The following PLCB1 variants were observed in gnomAD, a reference collection of about 807,000 sequenced individuals.
PLCB1 encodes the protein phospholipase C beta 1, also known as 1-phosphatidylinositol 4,5-bisphosphate phosphodiesterase beta-1.
In PLCB1, 46 loss-of-function variants were observed where a neutral mutation model predicts 161.8. The observed-to-expected ratio is 0.28, with a 90% CI of 0.22 to 0.36. The LOEUF is 0.36. Ranked by LOEUF, PLCB1 falls within the 10% of genes least tolerant of loss-of-function variation. PLCB1 has a pLI of 1.00. For missense variants in PLCB1, 1,016 were observed against 1,472.5 expected, an observed-to-expected ratio of 0.69 and a Z score of 5.07; for synonymous variants, 517 against 503.7, an observed-to-expected ratio of 1.03 and a Z score of -0.35.
intron 3 of PLCB1, among the ~76,000 whole-genome samples, chr20:8,516,782 A>G (rs1187834112): frequency 6.7e-6 from 1 of 150,342 alleles, no homozygotes; most frequent in East Asian, 2.0e-4. Context: ...TTTCGGCAAG[A>G]TAGATATAGT....
intron 3 of PLCB1, among the ~76,000 whole-genome samples, chr20:8,381,254 G>C (rs1387570897): frequency 2.0e-5 from 3 of 152,138 alleles, no homozygotes; most frequent in African/African-American, 7.2e-5. Context: ...ATATTGATTT[G>C]CATATGTTGA....
At chr20:8,710,529 T>A (rs928082135) in intron 12 of PLCB1, among the ~76,000 whole-genome samples, 1 of 142,224 alleles carries the variant, frequency 7.0e-6, no homozygotes, top group South Asian at 2.3e-4. Context: ...TTTTTTTTTT[T>A]CTGAAGCGGA....
intron 26 of PLCB1, among the ~76,000 whole-genome samples, chr20:8,766,396 G>A (rs1423277346): frequency 1.3e-5 from 2 of 152,174 alleles, no homozygotes; most frequent in African/African-American, 4.8e-5. Flanking sequence ...AGCCTGGTCA[G>A]CTATGGAAAG....
intron 9 of PLCB1, among the ~76,000 whole-genome samples, chr20:8,682,281 G>A (rs60097635): frequency 0.038 from 5,804 of 152,126 alleles, 367 homozygotes; most frequent in African/African-American, 0.13. Context: ...TGGGAGGATC[G>A]CTTGAGTACA....
chr20:8,519,156 G>T (rs574788851), intron 3 of PLCB1, among the ~76,000 whole-genome samples: 2 of 150,702 alleles, frequency 1.3e-5, no homozygotes, highest in East Asian at 3.9e-4. Context: ...CTGTACTACA[G>T]CATGCCAGAC....
At chr20:8,706,445 G>A (rs1978680547) in intron 11 of PLCB1, among the ~76,000 whole-genome samples, 1 of 152,202 alleles carries the variant, frequency 6.6e-6, no homozygotes, top group Non-Finnish European at 1.5e-5. Flanking sequence ...ACACTTGACT[G>A]TACTCGGGAC....
chr20:8,647,767 T>C, intron 5 of PLCB1, 133 bp from the exon 6 acceptor site: 3 of 680,602 alleles, frequency 4.4e-6, no homozygotes, highest in East Asian at 2.7e-5. Context: ...GTGCCAACTG[T>C]GGAGACTTGG....
In PLCB1 at chr20:8,654,433, T is replaced by C. The variant is rs573994794; in HGVS notation, c.595-2751T>C. Among the ~76,000 whole-genome samples the C allele has an allele frequency of 1.8e-3, 280 of 152,202 alleles. 1 individual carries two copies. Among genetic ancestry groups the C allele is most frequent in the African/African-American group, 6.5e-3 (271 of 41,546 alleles). On this transcript the variant is annotated intron_variant, in intron 7 of 31. Transcript: ENST00000338037. ...CAAGGTCTGGTATCATCTCCTGGGT[T>C]CATCCAGCAAACACTGATTAGGTAT...
In PLCB1 at chr20:8,467,782, C is replaced by T. The variant is rs527584045; in HGVS notation, c.246+96332C>T. ...TTTTATCAGAACATGTGTCCTTGAA[C>T]TTGCACACAAGAAAGACTTTCAGTG... On this transcript the variant is annotated intron_variant, in intron 3 of 31. Coordinates refer to ENST00000338037, the MANE Select transcript of PLCB1 (RefSeq NM_015192.4). Among the ~76,000 whole-genome samples, 94 of 152,248 alleles carry T rather than the reference C, an allele frequency of 6.2e-4. 1 individual carries two copies. The highest frequency in any genetic ancestry group is 1.0e-4 in the Non-Finnish European group (7 of 68,006).
chr20:8,353,805 C>A (rs1372575008), intron 2 of PLCB1, among the ~76,000 whole-genome samples: 1 of 151,912 alleles, frequency 6.6e-6, no homozygotes, highest in Non-Finnish European at 1.5e-5. Context: ...GGGCTCTTGG[C>A]ACAGGAAAAG....
At chr20:8,534,009 A>G (rs1035983763) in intron 3 of PLCB1, among the ~76,000 whole-genome samples, 1 of 152,184 alleles carries the variant, frequency 6.6e-6, no homozygotes, top group Non-Finnish European at 1.5e-5. Flanking sequence ...TCTAACGTTT[A>G]GGTCTTTAAT....
intron 2 of PLCB1, among the ~76,000 whole-genome samples, chr20:8,278,307 T>TAA (rs1568615316): frequency 7.0e-6 from 1 of 143,228 alleles, no homozygotes; most frequent in Non-Finnish European, 1.5e-5. Flanking sequence ...TATAAAAATA[T>TAA]ATATTATATT....
chr20:8,690,967 C>G (rs1990464774), intron 10 of PLCB1, among the ~76,000 whole-genome samples: 1 of 152,078 alleles, frequency 6.6e-6, no homozygotes, highest in African/African-American at 2.4e-5. Context: ...ATTACCTTGC[C>G]CCAGTACCAG....
intron 2 of PLCB1, chr20:8,256,939 T>C (rs1167673272): frequency 2.6e-5 from 4 of 152,160 alleles, no homozygotes; most frequent in Admixed American, 6.6e-5. Flanking sequence ...AAAGGAAGGA[T>C]TGTGTTTTCT....
intron 2 of PLCB1, among the ~76,000 whole-genome samples, chr20:8,364,018 C>G (rs1047533528): frequency 2.0e-5 from 3 of 152,076 alleles, no homozygotes; most frequent in African/African-American, 7.2e-5. Context: ...GACTTTGCCA[C>G]CTTTAGTGTG....
intron 3 of PLCB1, among the ~76,000 whole-genome samples, chr20:8,439,290 C>A (rs1372839179): frequency 6.6e-6 from 1 of 152,184 alleles, no homozygotes; most frequent in Non-Finnish European, 1.5e-5. Context: ...GGCATTAGCA[C>A]ACCGAAGCAT....
At chr20:8,497,588 CAT>C (rs1374448189) in intron 3 of PLCB1, among the ~76,000 whole-genome samples, 1 of 152,072 alleles carries the variant, frequency 6.6e-6, no homozygotes, top group Non-Finnish European at 1.5e-5. Context: ...AAGATTTAGC[CAT>C]GCATTTGACC....
rs139931858 is a variant in PLCB1, at chr20:8,851,625, A to T, written c.3424-29997A>T. ...TGGCCTGGAAGTACCACTAAGATTG[A>T]TTAGTGATGTCTGCCATAGTCACCC... On this transcript the variant is annotated intron_variant, in intron 31 of 31. Transcript: ENST00000338037. Among the ~76,000 whole-genome samples, 246 of 151,960 alleles carry T rather than the reference A, an allele frequency of 1.6e-3. 1 individual carries two copies. Among genetic ancestry groups the T allele is most frequent in the African/African-American group, 5.6e-3 (233 of 41,414 alleles).
rs1300940147 is a variant in PLCB1 at position 8,140,762 on chromosome 20, C to T, written c.99+8012C>T. Among the ~76,000 whole-genome samples the T allele has an allele frequency of 1.8e-4, 27 of 152,112 alleles. 1 individual carries two copies. The highest frequency in any genetic ancestry group is 7.2e-4 in the Admixed American group (11 of 15,278). ...TACCATGATGTCCCCGAACAGGGTC[C>T]TTTTAGTAACAACAACAACAACAAA... On this transcript the variant is annotated intron_variant, in intron 1 of 31. Coordinates refer to ENST00000338037, the MANE Select transcript of PLCB1 (RefSeq NM_015192.4).
Sources: gnomAD v4.1 joint callset for allele counts (sites outside exome capture counted in the v4.1 genomes callset) on GRCh38, gnomAD v4.1.1 for gene constraint, MANE v1.5 for transcripts, NCBI Gene and HGNC (gene_info 2026-07-23, HGNC 2026-07-21) for gene names.